Variants in CPNE4 observed in about 807,000 individuals in gnomAD.
CPNE4 encodes the protein copine 4.
In CPNE4, 25 loss-of-function variants were observed where a neutral mutation model predicts 67.9. That is an observed-to-expected ratio of 0.37 (90% CI 0.27 to 0.51). The LOEUF is 0.51. Among genes scored for constraint, CPNE4 ranks in the 20% least tolerant of loss-of-function variants. The pLI is 0.93. For missense variants in CPNE4, 464 were observed against 690.8 expected (o/e 0.67, Z 3.68); for synonymous variants, 242 against 244.9 (o/e 0.99, Z 0.11).
chr3:131,557,788 AG>A lies in CPNE4; in HGVS notation c.1062-2238del, dbSNP rs1260689471. The stretch of plus-strand genomic sequence containing the variant: ...CAGCAATTCCTCCTTAAACAAAACA[AG>A]CATGGGTAGGTGTGAGAAGAGATCT... On this transcript the variant is annotated intron_variant, in intron 11 of 15. Coordinates refer to ENST00000429747, the MANE Select transcript of CPNE4 (RefSeq NM_130808.3). Among the ~76,000 whole-genome samples, 6 of 152,110 alleles carry A rather than the reference AG, an allele frequency of 3.9e-5. No homozygotes were observed. In the South Asian group the frequency reaches 1.2e-3, roughly 32 times the overall value.
chr3:131,964,226 A>G (rs547355780), intron 1 of CPNE4, among the ~76,000 whole-genome samples: 1 of 152,316 alleles, frequency 6.6e-6, no homozygotes, highest in African/African-American at 2.4e-5. Context: ...GGCCATCAGC[A>G]TCAAAGATCA....
intron 1 of CPNE4, among the ~76,000 whole-genome samples, chr3:131,929,764 T>A (rs918051106): frequency 6.6e-6 from 1 of 152,182 alleles, no homozygotes; most frequent in Non-Finnish European, 1.5e-5. Flanking sequence ...CAAAAGTGAG[T>A]ACCCCTGTCA....
At chr3:131,777,748 C>T (rs1427468000) in intron 2 of CPNE4, among the ~76,000 whole-genome samples, 1 of 152,076 alleles carries the variant, frequency 6.6e-6, no homozygotes, top group Non-Finnish European at 1.5e-5. Context: ...CTCCCCATGA[C>T]CAAGAGTGGA....
chr3:131,574,998 C>T (rs545635166), intron 10 of CPNE4, 73 bp downstream of exon 10: 1 of 1,323,588 alleles, frequency 7.6e-7, no homozygotes, highest in African/African-American at 1.4e-5. Flanking sequence ...CTCTTTATCC[C>T]CCAAACCCAG....
chr3:131,709,671 T>C (rs1456940052), intron 3 of CPNE4, among the ~76,000 whole-genome samples: 1 of 152,230 alleles, frequency 6.6e-6, no homozygotes, highest in Non-Finnish European at 1.5e-5. Flanking sequence ...CGTGTGCTCC[T>C]AAGCAAGTTA....
chr3:131,568,821 G>A (rs959422204), intron 10 of CPNE4, among the ~76,000 whole-genome samples: 2 of 152,006 alleles, frequency 1.3e-5, no homozygotes, highest in East Asian at 1.9e-4. Flanking sequence ...CCCTTCATCT[G>A]CCAAACAGGT....
At chr3:131,842,617 A>T (rs2085830272) in intron 2 of CPNE4, among the ~76,000 whole-genome samples, 1 of 152,062 alleles carries the variant, frequency 6.6e-6, no homozygotes, top group African/African-American at 2.4e-5. Flanking sequence ...GATTGTGTTA[A>T]CCTGGACAAG....
chr3:131,866,582 CTG>C (rs2086960730), intron 2 of CPNE4, among the ~76,000 whole-genome samples: 1 of 152,204 alleles, frequency 6.6e-6, no homozygotes, highest in Admixed American at 6.5e-5. Context: ...AGGCTGAAAA[CTG>C]TAATTTTACA....
At chr3:131,747,088 T>G (rs764470732) in intron 2 of CPNE4, among the ~76,000 whole-genome samples, 1 of 150,746 alleles carries the variant, frequency 6.6e-6, no homozygotes, top group Non-Finnish European at 1.5e-5. Context: ...AAATGTCTAT[T>G]TAGGTCTTTT....
At chr3:132,038,230 G>A (rs1254331416), upstream of CPNE4, among the ~76,000 whole-genome samples, 1 of 152,114 alleles carries the variant, frequency 6.6e-6, no homozygotes, top group Non-Finnish European at 1.5e-5. Context: ...CTGGAAAGCA[G>A]AAAGGAACAC....
intron 1 of CPNE4, among the ~76,000 whole-genome samples, chr3:131,966,199 A>C (rs1480242914): frequency 6.6e-6 from 1 of 152,246 alleles, no homozygotes; most frequent in Non-Finnish European, 1.5e-5. Context: ...AATGTACCAG[A>C]ATCTCTGGGG....
At chr3:131,832,861 T>C (rs375334065) in intron 2 of CPNE4, among the ~76,000 whole-genome samples, 1 of 152,198 alleles carries the variant, frequency 6.6e-6, no homozygotes, top group Non-Finnish European at 1.5e-5. Flanking sequence ...GCATGAGAAG[T>C]ACACAAATTT....
chr3:132,023,668 T>C (rs2074053291), intron 1 of CPNE4, among the ~76,000 whole-genome samples: 2 of 152,036 alleles, frequency 1.3e-5, no homozygotes, highest in African/African-American at 2.4e-5. Context: ...TTTGTATTTT[T>C]AGTAGAGACG....
At chr3:131,656,308 G>A (rs1320484581) in intron 7 of CPNE4, among the ~76,000 whole-genome samples, 1 of 152,154 alleles carries the variant, frequency 6.6e-6, no homozygotes, top group Non-Finnish European at 1.5e-5. Flanking sequence ...CATGATGAAT[G>A]TAGACTTGTC....
intron 7 of CPNE4, among the ~76,000 whole-genome samples, chr3:131,609,794 TG>T (rs1316718745): frequency 6.6e-6 from 1 of 152,176 alleles, no homozygotes; most frequent in Non-Finnish European, 1.5e-5. Context: ...ACATTATTGT[TG>T]CCATATTTGT....
At chr3:131,876,907 A>C (rs896333205) in intron 2 of CPNE4, among the ~76,000 whole-genome samples, 1 of 152,146 alleles carries the variant, frequency 6.6e-6, no homozygotes, top group African/African-American at 2.4e-5. Context: ...ATTTTTCCAA[A>C]ACCATTCTAG....
At chr3:131,866,753 C>G (rs2086969433) in intron 2 of CPNE4, among the ~76,000 whole-genome samples, 1 of 152,144 alleles carries the variant, frequency 6.6e-6, no homozygotes, top group African/African-American at 2.4e-5. Context: ...GTAAAAAGAT[C>G]AGATAACATG....
intron 1 of CPNE4, among the ~76,000 whole-genome samples, chr3:131,911,512 T>C (rs2088972515): frequency 6.7e-6 from 1 of 149,930 alleles, no homozygotes; most frequent in Non-Finnish European, 1.5e-5. Flanking sequence ...TAATTATTAA[T>C]AATACAAACA....
At chr3:131,984,886 G>A (rs946528558) in intron 1 of CPNE4, among the ~76,000 whole-genome samples, 4 of 152,302 alleles carry the variant, frequency 2.6e-5, no homozygotes, top group African/African-American at 9.6e-5. Context: ...ATGCAAATGT[G>A]TGTGGTAATC....
Sources: allele counts gnomAD v4.1 joint callset (sites outside exome capture counted in the v4.1 genomes callset), GRCh38; gene constraint gnomAD v4.1.1; transcripts MANE v1.5; gene names NCBI Gene and HGNC (gene_info 2026-07-23, HGNC 2026-07-21).